ZFAND3: variants seen among roughly 807,000 people sequenced by gnomAD.
ZFAND3 encodes the protein AN1-type zinc finger protein 3.
ZFAND3 carries 10 observed loss-of-function variants against 29.6 expected under a neutral mutation model. That is an observed-to-expected ratio of 0.34 (90% CI 0.21 to 0.57). The LOEUF (loss-of-function observed/expected upper bound fraction) is 0.57, where lower values mean the gene tolerates loss of function less well. Among genes scored for constraint, ZFAND3 ranks in the 20% least tolerant of loss-of-function variants. The probability of loss-of-function intolerance (pLI) is 0.86; values close to 1 mark genes in which losing one functional copy is unlikely to be tolerated. For missense variants in ZFAND3, 230 were observed against 304.5 expected, an observed-to-expected ratio of 0.76 and a Z score of 1.82; for synonymous variants, 128 against 112.6, an observed-to-expected ratio of 1.14 and a Z score of -0.87.
At chr6:38,143,211 A>G (rs1044016622) in intron 5 of ZFAND3, 4 of 152,284 alleles carry the variant, frequency 2.6e-5, no homozygotes, top group African/African-American at 4.8e-5. Flanking sequence ...AGAGGTAATT[A>G]GAGCTTTTGC....
rs1355299890 is a variant in ZFAND3, at chr6:38,061,620, A to G, written c.140A>G (p.Asp47Gly). Reference protein sequence around the residue: ...ADFQKKQPDDDSAPSTSNSQS... With the variant: ...ADFQKKQPDDGSAPSTSNSQS... ...TTTCAAAAGAAACAGCCAGACGATG[A>G]TTCCGCTCCAAGTACAAGTAACAGC... is the stretch of plus-strand genomic sequence containing the variant. Residue 47 changes from aspartate (D) to glycine (G), a missense_variant, in exon 3 of 6, where the codon GAT becomes GGT. By Grantham distance (94) the Asp-to-Gly change is moderately conservative (BLOSUM62 -1). Coordinates refer to ENST00000287218, the MANE Select transcript of ZFAND3 (RefSeq NM_021943.3). 6.2e-7 allele frequency: 1 copy of G among 1,614,216 alleles called. No individual in the cohort carries two copies.
chr6:37,920,073 T>G (rs1300856596), intron 1 of ZFAND3, among the ~76,000 whole-genome samples: 3 of 127,174 alleles, frequency 2.4e-5, no homozygotes, highest in South Asian at 2.5e-4. Context: ...TTTTTTTTTT[T>G]GGCCCTTGTT....
Position 38,153,482 on chromosome 6 carries a change from A to G in ZFAND3, c.*1093A>G. ...ACATCTACCATATAGCAAGTTTAGT[A>G]AGGGAAGGCAGCATACGTCCCAGGG... On this transcript the variant is annotated 3_prime_UTR_variant, in exon 6 of 6. Coordinates refer to ENST00000287218, the MANE Select transcript of ZFAND3 (RefSeq NM_021943.3). 1.0e-6 allele frequency: 1 copy of G among 985,610 alleles called. No homozygotes were observed. The highest frequency in any genetic ancestry group is 1.2e-6 in the Non-Finnish European group (1 of 830,074). 61.1% of individuals were successfully genotyped at this position (985,610 alleles called of 1,614,324 possible). A position where few individuals can be genotyped will look rare whatever the true frequency, so the allele number is the denominator to read the frequency against.
At chr6:38,116,505 A>C in intron 4 of ZFAND3, 67 bp from the exon 5 acceptor site, 2 of 1,524,382 alleles carry the variant, frequency 1.3e-6, no homozygotes, top group Non-Finnish European at 1.8e-6. Context: ...GCCTGGAAAT[A>C]CATTAATCAA....
At chr6:37,830,445 G>T (rs1447128003) in intron 1 of ZFAND3, among the ~76,000 whole-genome samples, 2 of 152,178 alleles carry the variant, frequency 1.3e-5, no homozygotes, top group Admixed American at 6.5e-5. Context: ...TTGAAGTGTG[G>T]TATGTGAGTC....
chr6:38,057,192 C>G (rs1359391809), intron 2 of ZFAND3, among the ~76,000 whole-genome samples: 1 of 152,186 alleles, frequency 6.6e-6, no homozygotes, highest in Non-Finnish European at 1.5e-5. Flanking sequence ...GTTTCTGGAC[C>G]TTTCATCTGC....
intron 4 of ZFAND3, among the ~76,000 whole-genome samples, chr6:38,093,078 T>G (rs1764905618): frequency 6.6e-6 from 1 of 152,216 alleles, no homozygotes; most frequent in African/African-American, 2.4e-5. Flanking sequence ...TATAGGAGGA[T>G]CCTTCAGTCT....
chr6:38,088,626 A>C (rs1464609227), intron 4 of ZFAND3, among the ~76,000 whole-genome samples: 1 of 152,230 alleles, frequency 6.6e-6, no homozygotes, highest in Non-Finnish European at 1.5e-5. Context: ...GAAAGAATTC[A>C]TAGGCAAGTT....
chr6:38,078,770 A>AGATTGTGGCTTTCTATAAGGT (rs2127469586), intron 3 of ZFAND3, among the ~76,000 whole-genome samples: 1 of 152,332 alleles, frequency 6.6e-6, no homozygotes, highest in African/African-American at 2.4e-5. Context: ...ACAATCATGA[A>AGATTGTGGCTTTCTATAAGGT]GAGGCTTTCT....
chr6:37,896,612 C>T (rs559147482), intron 1 of ZFAND3, among the ~76,000 whole-genome samples: 229 of 131,840 alleles, frequency 1.7e-3, no homozygotes, highest in Non-Finnish European at 3.2e-3. Context: ...CTCTCTCTTT[C>T]TTTCTTTTCT....
At chr6:38,034,503 C>A (rs1561974053) in intron 2 of ZFAND3, among the ~76,000 whole-genome samples, 1 of 152,126 alleles carries the variant, frequency 6.6e-6, no homozygotes. Context: ...GCAAAGCCAG[C>A]AGAGGGAGCA....
intron 2 of ZFAND3, among the ~76,000 whole-genome samples, chr6:37,994,594 G>T (rs1265608086): frequency 6.6e-6 from 1 of 152,010 alleles, no homozygotes; most frequent in African/African-American, 2.4e-5. Flanking sequence ...ACTTCTTCAG[G>T]CTGTCTATAT....
At chr6:37,844,572 C>T (rs543715950) in intron 1 of ZFAND3, among the ~76,000 whole-genome samples, 10 of 152,192 alleles carry the variant, frequency 6.6e-5, no homozygotes, top group Non-Finnish European at 1.3e-4. Context: ...TGAGCCACTG[C>T]GCCCGGCCAG....
intron 1 of ZFAND3, among the ~76,000 whole-genome samples, chr6:37,844,981 G>A (rs759997034): frequency 6.7e-6 from 1 of 149,386 alleles, no homozygotes; most frequent in East Asian, 2.0e-4. Flanking sequence ...CCGAGATCAC[G>A]CTACTGCACT....
intron 2 of ZFAND3, among the ~76,000 whole-genome samples, chr6:38,031,016 G>A (rs1047956837): frequency 6.6e-6 from 1 of 152,142 alleles, no homozygotes; most frequent in Non-Finnish European, 1.5e-5. Flanking sequence ...TACCTGAGAT[G>A]GGGTAAAAGT....
At chr6:37,968,545 T>A (rs2127427403) in intron 2 of ZFAND3, among the ~76,000 whole-genome samples, 1 of 152,180 alleles carries the variant, frequency 6.6e-6, no homozygotes. Context: ...TAAGGATGGC[T>A]AGCAGTTACT....
At chr6:37,995,594 T>G (rs1762836418) in intron 2 of ZFAND3, among the ~76,000 whole-genome samples, 1 of 152,216 alleles carries the variant, frequency 6.6e-6, no homozygotes, top group Admixed American at 6.5e-5. Flanking sequence ...AATTGATGTT[T>G]ATTAATTGTT....
intron 5 of ZFAND3, among the ~76,000 whole-genome samples, chr6:38,133,145 C>G (rs1010358466): frequency 1.3e-5 from 2 of 152,198 alleles, no homozygotes; most frequent in African/African-American, 2.4e-5. Flanking sequence ...GCTCAACAGT[C>G]TTCTCTTCTG....
intron 2 of ZFAND3, among the ~76,000 whole-genome samples, chr6:38,023,682 A>G (rs1561969918): frequency 1.3e-5 from 2 of 152,314 alleles, no homozygotes; most frequent in South Asian, 4.1e-4. Context: ...TCATACACCT[A>G]TAGACAAATG....
Sources: gnomAD v4.1 joint callset for allele counts (sites outside exome capture counted in the v4.1 genomes callset) on GRCh38, gnomAD v4.1.1 for gene constraint, MANE v1.5 for transcripts, NCBI Gene and HGNC (gene_info 2026-07-23, HGNC 2026-07-21) for gene names.